Variants in TMEM108 observed in about 807,000 individuals in gnomAD.
TMEM108 encodes transmembrane protein 108, also known as cancer/testis antigen 124.
In TMEM108, 12 loss-of-function variants were observed where a neutral mutation model predicts 35.1. That is an observed-to-expected ratio of 0.34 (90% CI 0.22 to 0.55). TMEM108 has a LOEUF of 0.55. TMEM108 is among the 20% of genes least tolerant of loss of function. The pLI, the probability that TMEM108 is intolerant of heterozygous loss-of-function variation, is 0.89. For missense variants in TMEM108, 680 were observed against 753.3 expected (o/e 0.90, Z 1.14); for synonymous variants, 287 against 308.6 (o/e 0.93, Z 0.73).
intron 2 of TMEM108, among the ~76,000 whole-genome samples, chr3:133,214,878 A>G (rs1311595578): frequency 6.6e-6 from 1 of 152,098 alleles, no homozygotes; most frequent in Non-Finnish European, 1.5e-5. Flanking sequence ...CATGTTCCTT[A>G]TAAGAATCTA....
At chr3:133,279,039 A>G (rs112218899) in intron 3 of TMEM108, among the ~76,000 whole-genome samples, 1,993 of 152,328 alleles carry the variant, frequency 0.013, 23 homozygotes, top group South Asian at 0.048. Flanking sequence ...AAGGGGGCTT[A>G]CTTAAAACCA....
intron 3 of TMEM108, chr3:133,378,467 C>G (rs996854826): frequency 1.4e-5 from 14 of 985,382 alleles, no homozygotes; most frequent in African/African-American, 1.7e-5. Flanking sequence ...ACAGAGATCT[C>G]TCTCCATAGT....
chr3:133,389,338 C>G, intron 4 of TMEM108: 3 of 985,518 alleles, frequency 3.0e-6, no homozygotes, highest in Non-Finnish European at 3.6e-6. Context: ...CTCAGGCCAT[C>G]TGTGCAGGTG....
At chr3:133,357,303 G>A (rs1031279896) in intron 3 of TMEM108, among the ~76,000 whole-genome samples, 15 of 152,178 alleles carry the variant, frequency 9.9e-5, no homozygotes, top group East Asian at 1.9e-4. Context: ...TGGATGTGGT[G>A]AAAGAACACT....
intron 2 of TMEM108, among the ~76,000 whole-genome samples, chr3:133,133,926 G>A (rs1576336962): frequency 6.6e-6 from 1 of 151,762 alleles, no homozygotes; most frequent in East Asian, 1.9e-4. Context: ...ACTGCCCCTG[G>A]CTAATTTTTT....
At chr3:133,370,924 C>T (rs1231698144) in intron 3 of TMEM108, among the ~76,000 whole-genome samples, 1 of 68,338 alleles carries the variant, frequency 1.5e-5, no homozygotes, top group Non-Finnish European at 3.1e-5. Flanking sequence ...GTGTGTGTGC[C>T]AGGAAGCTTC....
At chr3:133,271,337 A>T (rs4854578) in intron 3 of TMEM108, among the ~76,000 whole-genome samples, 148,522 of 152,300 alleles carry the variant, frequency 0.98, 72,507 homozygotes, top group East Asian at 1. Context: ...AACAACCACA[A>T]CACATTTGTC....
intron 2 of TMEM108, chr3:133,192,894 AAAAG>A (rs1259180593): frequency 6.7e-6 from 1 of 150,006 alleles, no homozygotes; most frequent in Non-Finnish European, 1.5e-5. Flanking sequence ...GGATTCCTGA[AAAAG>A]AAGTTTACAC....
intron 2 of TMEM108, among the ~76,000 whole-genome samples, chr3:133,141,049 T>C (rs1237141640): frequency 6.6e-6 from 1 of 152,182 alleles, no homozygotes; most frequent in Non-Finnish European, 1.5e-5. Context: ...ATCATAGTAA[T>C]GTTGCTCATA....
chr3:133,250,517 A>C (rs1042560982), intron 3 of TMEM108, among the ~76,000 whole-genome samples: 2 of 152,210 alleles, frequency 1.3e-5, no homozygotes, highest in African/African-American at 4.8e-5. Flanking sequence ...TTAGTAGTTA[A>C]GTTTTGGGTG....
In TMEM108 at chr3:133,181,402, A is replaced by G. The variant is rs76967768; in HGVS notation, c.-46-47864A>G. ...TGTGACTACCATGAACTTCTTTTCC[A>G]TATCAGGAAAGTGTATGTGTGTGTG... On this transcript the variant is annotated intron_variant, in intron 2 of 5. Transcript: ENST00000321871. 7.3e-3 allele frequency among the ~76,000 whole-genome samples: 1,113 copies of G among 152,270 alleles called. 16 individuals carry two copies. Among genetic ancestry groups the G allele is most frequent in the African/African-American group, 0.025 (1,049 of 41,562 alleles).
intron 3 of TMEM108, among the ~76,000 whole-genome samples, chr3:133,358,616 A>AGGGGAAGGAGAGGAAAAGAGGGT (rs1389037079): frequency 6.6e-6 from 1 of 152,178 alleles, no homozygotes; most frequent in African/African-American, 2.4e-5. Context: ...AGGGGAATAG[A>AGGGGAAGGAGAGGAAAAGAGGGT]GGGGAAGGAG....
intron 3 of TMEM108, among the ~76,000 whole-genome samples, chr3:133,254,222 T>C (rs1946512103): frequency 6.6e-6 from 1 of 152,170 alleles, no homozygotes; most frequent in Non-Finnish European, 1.5e-5. Context: ...TGAATGAATG[T>C]ACCTAGGAAA....
intron 3 of TMEM108, among the ~76,000 whole-genome samples, chr3:133,307,357 CAGA>C (rs1432680184): frequency 2.6e-5 from 4 of 152,114 alleles, no homozygotes; most frequent in Non-Finnish European, 5.9e-5. Context: ...CTTTGCCGTG[CAGA>C]AGCTCTTTAG....
intron 2 of TMEM108, chr3:133,119,292 C>G (rs1250454330): frequency 6.6e-6 from 1 of 151,900 alleles, no homozygotes. Context: ...CTCTCCGGTT[C>G]CATTCAGCAC....
At chr3:133,096,749 G>A (rs899343780) in intron 2 of TMEM108, among the ~76,000 whole-genome samples, 2 of 152,210 alleles carry the variant, frequency 1.3e-5, no homozygotes, top group African/African-American at 2.4e-5. Context: ...TGTGGATTAT[G>A]TTTCTCATAT....
At chr3:133,175,955 CAAAAT>C (rs1407245847) in intron 2 of TMEM108, among the ~76,000 whole-genome samples, 3 of 151,902 alleles carry the variant, frequency 2.0e-5, no homozygotes, top group African/African-American at 4.8e-5. Context: ...CACATAGGCT[CAAAAT>C]AAAGGGATGG....
chr3:133,168,041 T>C (rs953917953), intron 2 of TMEM108, among the ~76,000 whole-genome samples: 3 of 152,166 alleles, frequency 2.0e-5, no homozygotes, highest in African/African-American at 4.8e-5. Context: ...AGAGAGTCTG[T>C]TTTGTCAGTC....
chr3:133,375,964 G>A (rs2072825206), intron 3 of TMEM108, among the ~76,000 whole-genome samples: 1 of 152,188 alleles, frequency 6.6e-6, no homozygotes. Flanking sequence ...CACGGTGGCA[G>A]TATCCGTTCA....
Sources: allele counts gnomAD v4.1 joint callset (sites outside exome capture counted in the v4.1 genomes callset), GRCh38; gene constraint gnomAD v4.1.1; transcripts MANE v1.5; gene names NCBI Gene and HGNC (gene_info 2026-07-23, HGNC 2026-07-21).